The following RBL1 variants were observed in gnomAD, a reference collection of about 807,000 sequenced individuals.
RBL1 encodes retinoblastoma-like protein 1.
Under a neutral mutation model 123.0 loss-of-function variants are expected in RBL1, and 82 were observed. That is an observed-to-expected ratio of 0.67 (90% CI 0.56 to 0.80). RBL1 has a LOEUF of 0.80. Ranked by LOEUF, RBL1 falls within the 30% of genes least tolerant of loss-of-function variation. The pLI is 0.00. For synonymous variants in RBL1, 405 were observed against 441.3 expected (o/e 0.92, Z 1.03); for missense variants, 1,171 against 1,299.6 (o/e 0.90, Z 1.52).
At chr20:37,065,132 A>G (rs1242980092) in intron 7 of RBL1, among the ~76,000 whole-genome samples, 1 of 151,974 alleles carries the variant, frequency 6.6e-6, no homozygotes, top group East Asian at 1.9e-4. Flanking sequence ...GGGTTTCACC[A>G]TGTTGCCCAG....
intron 9 of RBL1, among the ~76,000 whole-genome samples, chr20:37,060,644 T>C (rs1374311029): frequency 6.6e-6 from 1 of 152,018 alleles, no homozygotes; most frequent in Admixed American, 6.6e-5. Context: ...AAATTAGGCA[T>C]GGTGGCTTGC....
chr20:37,029,006 T>A (rs1399277867), intron 16 of RBL1, among the ~76,000 whole-genome samples: 4 of 152,174 alleles, frequency 2.6e-5, no homozygotes, highest in Non-Finnish European at 5.9e-5. Context: ...TTATACACCA[T>A]GACCAAGTAG....
At chr20:37,055,745 A>T (rs1485441087) in intron 10 of RBL1, 89 bp from the exon 11 acceptor site, 1 of 1,236,458 alleles carries the variant, frequency 8.1e-7, no homozygotes, top group South Asian at 1.5e-5. Context: ...CTTAAATCTG[A>T]TACATTAAGA....
intron 19 of RBL1, among the ~76,000 whole-genome samples, chr20:37,012,035 G>C (rs549823525): frequency 1.3e-5 from 2 of 152,180 alleles, no homozygotes; most frequent in Admixed American, 1.3e-4. Context: ...ACTGGTTTTC[G>C]TATTTTTTTG....
chr20:37,093,220 TTA>T (rs2065675058), intron 1 of RBL1, among the ~76,000 whole-genome samples: 1 of 152,108 alleles, frequency 6.6e-6, no homozygotes, highest in African/African-American at 2.4e-5. Context: ...GAAAGACTTC[TTA>T]GGAAGCATGA....
intron 14 of RBL1, among the ~76,000 whole-genome samples, chr20:37,037,988 GTTTT>G (rs57647591): frequency 1.2e-5 from 1 of 83,598 alleles, no homozygotes; most frequent in Non-Finnish European, 2.2e-5. Flanking sequence ...CCCGGCCATT[GTTTT>G]TTTTTTTTTT....
intron 13 of RBL1, among the ~76,000 whole-genome samples, chr20:37,041,041 T>C (rs897177523): frequency 2.0e-5 from 3 of 152,206 alleles, no homozygotes; most frequent in Non-Finnish European, 4.4e-5. Context: ...TAAGTTACTG[T>C]CTGCTGCAAA....
chr20:37,083,403 G>A (rs904029148), intron 2 of RBL1, among the ~76,000 whole-genome samples: 5 of 151,888 alleles, frequency 3.3e-5, no homozygotes, highest in Non-Finnish European at 5.9e-5. Context: ...AGAAGGCGGA[G>A]GTTGCAAGTG....
At chr20:37,083,489 A>C (rs1381328761) in intron 2 of RBL1, among the ~76,000 whole-genome samples, 1 of 149,538 alleles carries the variant, frequency 6.7e-6, no homozygotes, top group African/African-American at 2.5e-5. Flanking sequence ...AACAAAAAAT[A>C]AAAAAGATAA....
chr20:37,082,718 C>G (rs1240463022), intron 2 of RBL1, among the ~76,000 whole-genome samples: 1 of 152,082 alleles, frequency 6.6e-6, no homozygotes, highest in Non-Finnish European at 1.5e-5. Context: ...GAGATGGGAC[C>G]AGGTGTGGTG....
At chr20:37,056,884 A>G (rs1568864425) in intron 9 of RBL1, among the ~76,000 whole-genome samples, 1 of 152,180 alleles carries the variant, frequency 6.6e-6, no homozygotes, top group African/African-American at 2.4e-5. Context: ...GTGATTGACT[A>G]ACTTCACTTA....
intron 20 of RBL1, among the ~76,000 whole-genome samples, chr20:37,005,894 C>CTTTTTTTT (rs1013303071): frequency 3.1e-5 from 3 of 98,142 alleles, no homozygotes; most frequent in Non-Finnish European, 5.6e-5. Context: ...TTTTTTCTTT[C>CTTTTTTTT]TTTTTTTTTT....
At chr20:37,004,260 T>C (rs1943742608) in intron 20 of RBL1, among the ~76,000 whole-genome samples, 2 of 151,778 alleles carry the variant, frequency 1.3e-5, no homozygotes, top group South Asian at 4.1e-4. Context: ...CGGTTAATTT[T>C]GTATTTTTAA....
At chr20:37,057,004 TCTACCTACCTACCTACCTACCTACCTAC>T (rs58869678) in intron 9 of RBL1, among the ~76,000 whole-genome samples, 1 of 147,506 alleles carries the variant, frequency 6.8e-6, no homozygotes, top group Non-Finnish European at 1.5e-5. Context: ...TATCTATCTA[TCTACCTACCTACCTACCTACCTACCTAC>T]CTACCTACCT....
intron 21 of RBL1, among the ~76,000 whole-genome samples, chr20:37,003,308 G>A (rs984809366): frequency 3.3e-5 from 5 of 152,124 alleles, no homozygotes; most frequent in South Asian, 2.1e-4. Flanking sequence ...GTCTATGTAC[G>A]TAAGAGGAGG....
chr20:37,046,339 G>A (rs1449234359), intron 12 of RBL1, among the ~76,000 whole-genome samples: 2 of 152,144 alleles, frequency 1.3e-5, no homozygotes, highest in Admixed American at 1.3e-4. Context: ...TCAAGTCCGT[G>A]TTAACAAAGG....
Position 36,999,400 on chromosome 20 carries a change from CAAG to C in RBL1, c.3037-474_3037-472del, listed in dbSNP as rs2063926392. On this transcript the variant is annotated intron_variant, in intron 21 of 21. Transcript: ENST00000373664. ...TGAGACCTTGTCTCAAAAACCAAAC[CAAG>C]AATAGAAAAATAAGCTTCCCGTCTC... is the stretch of plus-strand genomic sequence containing the variant. Among the ~76,000 whole-genome samples, 6 of 151,966 alleles carry C rather than the reference CAAG, an allele frequency of 3.9e-5. No homozygotes were observed. The South Asian group carries it at 1.2e-3, about 32-fold the overall frequency.
intron 21 of RBL1, among the ~76,000 whole-genome samples, chr20:36,999,904 C>A (rs1312011924): frequency 6.6e-6 from 1 of 152,122 alleles, no homozygotes; most frequent in African/African-American, 2.4e-5. Flanking sequence ...AGACTCTGCC[C>A]GGCCGCCACC....
At chr20:37,027,939 G>C (rs527791419) in intron 16 of RBL1, among the ~76,000 whole-genome samples, 1 of 152,260 alleles carries the variant, frequency 6.6e-6, no homozygotes, top group African/African-American at 2.4e-5. Context: ...TTTTTTGGTA[G>C]AGACTGGGTC....
Sources: allele counts gnomAD v4.1 joint callset (sites outside exome capture counted in the v4.1 genomes callset), GRCh38; gene constraint gnomAD v4.1.1; transcripts MANE v1.5; gene names NCBI Gene and HGNC (gene_info 2026-07-23, HGNC 2026-07-21).